The following ITGB4 variants were observed in gnomAD, a reference collection of about 807,000 sequenced individuals.
The protein encoded by ITGB4 is integrin beta-4.
Under a neutral mutation model 207.6 loss-of-function variants are expected in ITGB4, and 159 were observed. That is an observed-to-expected ratio of 0.77 (90% CI 0.67 to 0.87). The LOEUF is 0.87. ITGB4 is among the 40% of genes least tolerant of loss of function. The pLI, the probability that ITGB4 is intolerant of heterozygous loss-of-function variation, is 0.00. For missense variants in ITGB4, 2,278 were observed against 2,546.8 expected (o/e 0.89, Z 2.27); for synonymous variants, 1,020 against 1,062.7 (o/e 0.96, Z 0.78).
At chr17:75,723,416 G>A (rs2060656281) in intron 1 of ITGB4, among the ~76,000 whole-genome samples, 1 of 152,210 alleles carries the variant, frequency 6.6e-6, no homozygotes, top group South Asian at 2.1e-4. Context: ...ATGCCTGGGA[G>A]GCCTGAGCCT....
chr17:75,731,409 G>A lies in ITGB4; in HGVS notation c.1215+41G>A, dbSNP rs1327391880. The A allele has an allele frequency of 1.3e-6, 2 of 1,581,626 alleles. No individual in the cohort carries two copies. Among genetic ancestry groups the A allele is most frequent in the African/African-American group, 2.7e-5 (2 of 74,556 alleles). ...GGCAGCGGGGTGGGGGATAGGCACA[G>A]CGCCCCACACCGAGTGGAATCGTTT... On this transcript the variant is annotated intron_variant, in intron 10 of 39. Transcript: ENST00000200181. The surrounding 1 kb of genome is among the most constrained non-coding windows in gnomAD (Gnocchi z 6.8).
chr17:75,728,156 C>G (rs2060763508), intron 5 of ITGB4, among the ~76,000 whole-genome samples: 1 of 152,218 alleles, frequency 6.6e-6, no homozygotes, highest in African/African-American at 2.4e-5. Context: ...GGCTGCATTC[C>G]CAGCCACCCT....
Position 75,753,870 on chromosome 17 carries a change from G to A in ITGB4, c.4214G>A (p.Gly1405Glu). ...ELIPRLSASS[G>E]RSSDAEAPHG... ...ATCCCGCGCCTGTCGGCCAGCAGCG[G>A]GCGCTCCTCCGACGCCGAGGCGCCC... The change falls in exon 33 of 40, where the codon GGG becomes GAG. Residue 1405 changes from glycine to glutamate, a missense_variant. Coordinates refer to ENST00000200181, the MANE Select transcript of ITGB4 (RefSeq NM_000213.5). The A allele has an allele frequency of 1.5e-6, 2 of 1,351,656 alleles. No individual in the cohort carries two copies. The highest frequency in any genetic ancestry group is 2.0e-5 in the South Asian group (1 of 50,740). The allele number at this position is 1,351,656 out of a possible 1,614,324, so 83.7% of individuals were successfully genotyped here. A position where few individuals can be genotyped will look rare whatever the true frequency, so the allele number is the denominator to read the frequency against.
chr17:75,756,024 C>T (rs1489272463), intron 35 of ITGB4, among the ~76,000 whole-genome samples, 174 bp downstream of exon 35: 1 of 152,228 alleles, frequency 6.6e-6, no homozygotes, highest in Non-Finnish European at 1.5e-5. Context: ...TTCTTTGCCT[C>T]CCCTCTTCTG....
chr17:75,737,501 G>A (rs541495623), intron 17 of ITGB4, 37 bp from the exon 18 acceptor site: 1 of 1,554,736 alleles, frequency 6.4e-7, no homozygotes, highest in East Asian at 2.4e-5. Flanking sequence ...TCGGTGGGGA[G>A]GACAGGCACC....
rs774290507 is a variant in ITGB4, at chr17:75,739,703, G to A, written c.2252G>A (p.Arg751Gln). 1.9e-5 allele frequency: 30 copies of A among 1,614,118 alleles called. No individual in the cohort carries two copies. Among genetic ancestry groups the A allele is most frequent in the East Asian group, 1.1e-4 (5 of 44,884 alleles). ...ACLALLPCCN[R>Q]GHMVGFKEDH... ...CTGGCACTTCTCCCGTGCTGCAACC[G>A]AGGTATGGGCCTGGCATCGCAGGGG... Residue 751 changes from arginine to glutamine, a missense_variant and splice_region_variant, in exon 19 of 40, where the codon CGA becomes CAA. Transcript: ENST00000200181. The surrounding 1 kb of genome is among the most constrained non-coding windows in gnomAD (Gnocchi z 5.4).
Position 75,739,811 on chromosome 17 carries a change from G to A in ITGB4, c.2255-69G>A. ...AACGGCAGAGGCTGGAGGCTCTGGG[G>A]TCCCACCTGAAGAGGTTGGGCTGTG... On this transcript the variant is annotated intron_variant, in intron 19 of 39. Coordinates refer to ENST00000200181, the MANE Select transcript of ITGB4 (RefSeq NM_000213.5). This position sits in a 1 kb window ranked among gnomAD's most constrained non-coding sequence, Gnocchi z 5.4. 9 of 1,608,784 alleles carry A rather than the reference G, an allele frequency of 5.6e-6. No homozygotes were observed. The highest frequency in any genetic ancestry group is 7.7e-6 in the Non-Finnish European group (9 of 1,175,582).
At chr17:75,754,905 C>G in intron 34 of ITGB4, 90 bp downstream of exon 34, 1 of 1,581,558 alleles carries the variant, frequency 6.3e-7, no homozygotes, top group Non-Finnish European at 8.7e-7. Flanking sequence ...CTGTCCCCAC[C>G]GCCCATTCTC....
rs1359439988 is a variant in ITGB4 at position 75,754,581 on chromosome 17, C to A, written c.4324C>A (p.Leu1442Met). Reference sequence around the variant, plus strand: ...ACCCTGCTCTCCCCCTGCAGAGCACCTGGTGAATGGCCGGATGGACTTTGC... The same window carrying A: ...ACCCTGCTCTCCCCCTGCAGAGCACATGGTGAATGGCCGGATGGACTTTGC... Reference protein sequence around the residue: ...SATPGPPGEHLVNGRMDFAFP... With the variant: ...SATPGPPGEHMVNGRMDFAFP... Residue 1442 changes from leucine to methionine, a missense_variant, in exon 34 of 40, where the codon CTG becomes ATG. By Grantham distance (15) the Leu-to-Met change is conservative. Coordinates refer to ENST00000200181, the MANE Select transcript of ITGB4 (RefSeq NM_000213.5). 6.2e-7 allele frequency: 1 copy of A among 1,613,712 alleles called. No individual in the cohort carries two copies. The highest frequency in any genetic ancestry group is 1.6e-4 in the Middle Eastern group (1 of 6,062).
chr17:75,754,493 C>T, intron 33 of ITGB4, 83 bp from the exon 34 acceptor site: 2 of 1,575,080 alleles, frequency 1.3e-6, no homozygotes, highest in Non-Finnish European at 1.7e-6. Context: ...GGTGGGTGAC[C>T]AGGAATGTGC....
intron 13 of ITGB4, among the ~76,000 whole-genome samples, chr17:75,735,483 G>A (rs1199830035): frequency 1.4e-5 from 2 of 147,346 alleles, no homozygotes; most frequent in African/African-American, 2.5e-5. Flanking sequence ...CGTGATCTCG[G>A]CTCACTGCAA....
In ITGB4 at chr17:75,727,428, A is replaced by G; in HGVS notation, c.187A>G (p.Thr63Ala). The change falls in exon 4 of 40, where the codon ACC becomes GCC. Residue 63 changes from threonine to alanine, a missense_variant. Coordinates refer to ENST00000200181, the MANE Select transcript of ITGB4 (RefSeq NM_000213.5). This position sits in a 1 kb window ranked among gnomAD's most constrained non-coding sequence, Gnocchi z 6.0. ...DEMFRDRRCNTQAELLAAGCQ... is the reference protein window; with the variant it reads ...DEMFRDRRCNAQAELLAAGCQ... ...GATGTTCAGGGACCGGCGCTGCAAC[A>G]CCCAGGCGGAGCTGCTGGCCGCGGG... 6.2e-7 allele frequency: 1 copy of G among 1,613,988 alleles called. No homozygotes were observed. The highest frequency in any genetic ancestry group is 1.1e-5 in the South Asian group (1 of 91,084).
At position 75,727,267 on chromosome 17, in the gene ITGB4, G is replaced by C; in HGVS notation, c.152G>C (p.Cys51Ser). Reference sequence around the variant, plus strand: ...CGTGTGGATAAGGACTGCGCCTACTGCACAGACGAGGTGAGGACCTGGCCC... The same window carrying C: ...CGTGTGGATAAGGACTGCGCCTACTCCACAGACGAGGTGAGGACCTGGCCC... ...CVRVDKDCAY[C>S]TDEMFRDRRC... The change falls in exon 3 of 40, where the codon TGC (cysteine) becomes TCC (serine). Residue 51 changes from cysteine (C) to serine (S), a missense_variant. Cys to Ser is a moderately radical substitution (Grantham distance 112, BLOSUM62 -1). Coordinates refer to ENST00000200181, the MANE Select transcript of ITGB4 (RefSeq NM_000213.5). This position sits in a 1 kb window ranked among gnomAD's most constrained non-coding sequence, Gnocchi z 6.0. 1 of 1,613,964 alleles carries C rather than the reference G, an allele frequency of 6.2e-7. No homozygotes were observed. The highest frequency in any genetic ancestry group is 8.5e-7 in the Non-Finnish European group (1 of 1,179,920).
rs749456201 is a variant in ITGB4, at chr17:75,731,247, G to A, written c.1094G>A (p.Arg365Gln). 7.6e-5 allele frequency: 123 copies of A among 1,613,264 alleles called. 1 individual carries two copies. The highest frequency in any genetic ancestry group is 6.3e-4 in the South Asian group (57 of 91,082). The change falls in exon 10 of 40, where the codon CGG (arginine) becomes CAG (glutamine). Residue 365 changes from arginine to glutamine, a missense_variant and splice_region_variant. Transcript: ENST00000200181. The surrounding 1 kb of genome is among the most constrained non-coding windows in gnomAD (Gnocchi z 6.8). ...TGATCAACCTCCTTCCTCCTTTAGC[G>A]GATCCGCTCCAACCTGGACATCCGG... ...IVELLEEAFN[R>Q]IRSNLDIRAL...
intron 6 of ITGB4, 146 bp downstream of exon 6, chr17:75,728,619 C>T (rs1409733259): frequency 2.9e-6 from 2 of 695,090 alleles, no homozygotes; most frequent in Admixed American, 4.1e-5. Flanking sequence ...GAGACCAGGG[C>T]GGGCAGATCA....
At chr17:75,736,431 C>A in intron 15 of ITGB4, 45 bp downstream of exon 15, 1 of 1,609,768 alleles carries the variant, frequency 6.2e-7, no homozygotes, top group South Asian at 1.1e-5. Context: ...ACAGGGCAGG[C>A]ACAGGGCAGT....
At position 75,755,957 on chromosome 17, in the gene ITGB4, G is replaced by A. The variant is rs909047651; in HGVS notation, c.4708+107G>A. ...TGTCAGGAACCCACCCAAGTCCCTT[G>A]AGCGCTAAAGCCCCCATCCAGCCTG... On this transcript the variant is annotated intron_variant, in intron 35 of 39. Coordinates refer to ENST00000200181, the MANE Select transcript of ITGB4 (RefSeq NM_000213.5). 6.7e-6 allele frequency: 9 copies of A among 1,350,150 alleles called. No homozygotes were observed. The South Asian group carries it at 8.7e-5, about 13-fold the overall frequency. 83.6% of individuals were successfully genotyped at this position (1,350,150 alleles called of 1,614,324 possible). A position where few individuals can be genotyped will look rare whatever the true frequency, so the allele number is the denominator to read the frequency against.
At position 75,743,785 on chromosome 17, in the gene ITGB4, T is replaced by C. The variant is rs748077457; in HGVS notation, c.3035T>C (p.Val1012Ala). The change falls in exon 26 of 40, where the codon GTC becomes GCC. Residue 1012 changes from valine to alanine, a missense_variant. Transcript: ENST00000200181. ...GGGGACCAGGTGGCCCGCATCCCTG[T>C]CATCCGGCGTGTCCTGGACGGCGGG... ...SRGDQVARIP[V>A]IRRVLDGGKS... is the part of the protein sequence containing the mutation. 2 of 1,613,238 alleles carry C rather than the reference T, an allele frequency of 1.2e-6. No individual in the cohort carries two copies. The highest frequency in any genetic ancestry group is 2.7e-5 in the African/African-American group (2 of 74,936).
At position 75,757,421 on chromosome 17, in the gene ITGB4, C is replaced by G. The variant is rs766003835; in HGVS notation, c.5335C>G (p.Leu1779Val). 2 of 1,613,062 alleles carry G rather than the reference C, an allele frequency of 1.2e-6. No individual in the cohort carries two copies. The highest frequency in any genetic ancestry group is 2.7e-5 in the African/African-American group (2 of 74,926). The change falls in exon 40 of 40, where the codon CTG becomes GTG. Residue 1779 changes from leucine (L) to valine (V), a missense_variant. By Grantham distance (32) the Leu-to-Val change is conservative. Coordinates refer to ENST00000200181, the MANE Select transcript of ITGB4 (RefSeq NM_000213.5). ...SATEPFLVDGLTLGAQHLEAG... is the reference protein window; with the variant it reads ...SATEPFLVDGVTLGAQHLEAG... The stretch of plus-strand genomic sequence containing the variant: ...TAATGCCTCCTCCTCCACAGATGGG[C>G]TGACCCTGGGGGCCCAGCACCTGGA...
Sources: allele counts gnomAD v4.1 joint callset (sites outside exome capture counted in the v4.1 genomes callset), GRCh38; gene constraint gnomAD v4.1.1; non-coding constraint Gnocchi (gnomAD v3.1); transcripts MANE v1.5; gene names NCBI Gene and HGNC (gene_info 2026-07-23, HGNC 2026-07-21).